The following RACGAP1 variants were observed in gnomAD, a reference collection of about 807,000 sequenced individuals.
The protein encoded by RACGAP1 is Rac GTPase activating protein 1, also known as rac GTPase-activating protein 1.
RACGAP1 carries 30 observed loss-of-function variants against 78.1 expected under a neutral mutation model. That is an observed-to-expected ratio of 0.38 (90% CI 0.29 to 0.52). The LOEUF is 0.52. Among genes scored for constraint, RACGAP1 ranks in the 20% least tolerant of loss-of-function variants. The pLI, the probability that RACGAP1 is intolerant of heterozygous loss-of-function variation, is 0.82. For synonymous variants in RACGAP1, 231 were observed against 264.8 expected (o/e 0.87, Z 1.24); for missense variants, 587 against 777.1 (o/e 0.76, Z 2.91).
intron 9 of RACGAP1, among the ~76,000 whole-genome samples, chr12:49,997,824 T>C (rs919339646): frequency 1.3e-5 from 2 of 148,718 alleles, no homozygotes; most frequent in African/African-American, 5.0e-5. Flanking sequence ...GTGATCTGCC[T>C]GCGTCAGTCT....
chr12:50,006,442 C>T lies in RACGAP1; in HGVS notation c.280G>A (p.Glu94Lys), dbSNP rs147422831. ...CGGAAAACAATACACACCAGCTTTTCGCAGTCAGCCTCAGCTCTCTGTCTC... is the reference window on the plus strand; with the variant it reads ...CGGAAAACAATACACACCAGCTTTTTGCAGTCAGCCTCAGCTCTCTGTCTC... ...KRRQRAEADC[E>K]KLERQIQLIR... The change falls in exon 3 of 17, where the codon GAA becomes AAA. Residue 94 changes from glutamate (E) to lysine (K), a missense_variant. Physicochemically the swap from Glu to Lys is moderately conservative, Grantham distance 56. Coordinates refer to ENST00000312377, the MANE Select transcript of RACGAP1 (RefSeq NM_001319999.2). 34 of 1,614,000 alleles carry T rather than the reference C, an allele frequency of 2.1e-5. No homozygotes were observed. The highest frequency in any genetic ancestry group is 2.5e-5 in the Non-Finnish European group (29 of 1,179,998).
intron 2 of RACGAP1, chr12:50,031,579 T>C: frequency 1.8e-6 from 1 of 561,494 alleles, no homozygotes; most frequent in Non-Finnish European, 2.3e-6. Context: ...TCGTTTGCAG[T>C]TCCTCCACGC....
chr12:50,001,344 T>G, intron 6 of RACGAP1, 92 bp from the exon 7 acceptor site: 1 of 984,666 alleles, frequency 1.0e-6, no homozygotes, highest in South Asian at 1.4e-5. Context: ...TGGATACAGG[T>G]CCTGGGGATT....
At chr12:50,018,838 A>AT (rs34713846) in intron 1 of RACGAP1, among the ~76,000 whole-genome samples, 10,935 of 143,294 alleles carry the variant, frequency 0.076, 1,290 homozygotes, top group African/African-American at 0.26. Context: ...TCTCTTGTCC[A>AT]TTTTTTTTTT....
At chr12:49,999,312 T>G in intron 8 of RACGAP1, 41 bp from the exon 9 acceptor site, 1 of 1,570,964 alleles carries the variant, frequency 6.4e-7, no homozygotes. Flanking sequence ...TCTTAAGTAT[T>G]TTGCTCCTTC....
chr12:49,996,497 C>T (rs745872757), intron 10 of RACGAP1, among the ~76,000 whole-genome samples: 2 of 149,982 alleles, frequency 1.3e-5, no homozygotes, highest in Non-Finnish European at 3.0e-5. Context: ...ATTAGCCGGG[C>T]ATGGTGGTGG....
chr12:49,993,114 G>A (rs1277119249), intron 12 of RACGAP1, among the ~76,000 whole-genome samples: 1 of 152,154 alleles, frequency 6.6e-6, no homozygotes, highest in East Asian at 1.9e-4. Flanking sequence ...AAGAAAACAA[G>A]GCAGGCAAGA....
At chr12:50,009,352 G>A (rs1447436958) in intron 2 of RACGAP1, among the ~76,000 whole-genome samples, 1 of 151,626 alleles carries the variant, frequency 6.6e-6, no homozygotes, top group South Asian at 2.1e-4. Flanking sequence ...GGAGGAAAGA[G>A]AAGGGAAATT....
intron 5 of RACGAP1, among the ~76,000 whole-genome samples, chr12:50,003,225 G>C (rs1434034329): frequency 6.6e-6 from 1 of 152,090 alleles, no homozygotes; most frequent in African/African-American, 2.4e-5. Context: ...GTGGTATACA[G>C]CAAATAATAG....
Position 49,997,106 on chromosome 12 carries a change from T to C in RACGAP1, c.978A>G (p.Glu326=), listed in dbSNP as rs767576278. 4 of 1,609,494 alleles carry C rather than the reference T, an allele frequency of 2.5e-6. No individual in the cohort carries two copies. Among genetic ancestry groups the C allele is most frequent in the South Asian group, 2.2e-5 (2 of 90,782 alleles). ...AGGGAAGGGGACAGCGGTCCCGACA[T>C]TCTGGATGAGAGACCACACGACAGT... ...CRDCRVVSHP[E]CRDRCPLPCI... is the part of the protein sequence containing the mutation. Residue 326 remains glutamate, a synonymous_variant, in exon 10 of 17, where the codon GAA becomes GAG. Transcript: ENST00000312377.
chr12:50,027,257 T>A (rs1950285572), upstream of RACGAP1, among the ~76,000 whole-genome samples: 2 of 152,166 alleles, frequency 1.3e-5, 1 homozygote, highest in Non-Finnish European at 2.9e-5. Context: ...CCTTTCAAGG[T>A]CAGGAGCATT....
intron 1 of RACGAP1, among the ~76,000 whole-genome samples, chr12:50,022,884 T>C (rs942278434): frequency 6.6e-6 from 1 of 152,204 alleles, no homozygotes; most frequent in African/African-American, 2.4e-5. Context: ...ACCTCAAATA[T>C]CTTTACTCAA....
Position 49,992,673 on chromosome 12 carries a change from G to T in RACGAP1, c.1340-18C>A. ...TGTGATTTCTGTAATTGAAAAGAAA[G>T]CACCAAGAGGCCTAGACTTCTTTCC... On this transcript the variant is annotated intron_variant, in intron 12 of 16. Coordinates refer to ENST00000312377, the MANE Select transcript of RACGAP1 (RefSeq NM_001319999.2). 1 of 1,589,496 alleles carries T rather than the reference G, an allele frequency of 6.3e-7. No homozygotes were observed. The highest frequency in any genetic ancestry group is 8.6e-7 in the Non-Finnish European group (1 of 1,162,252).
At chr12:50,011,016 G>A (rs901495781) in intron 2 of RACGAP1, among the ~76,000 whole-genome samples, 4 of 151,892 alleles carry the variant, frequency 2.6e-5, no homozygotes, top group African/African-American at 9.7e-5. Context: ...AGGGATACTT[G>A]GGCATGTGGG....
intron 12 of RACGAP1, 70 bp from the exon 13 acceptor site, chr12:49,992,725 AC>A: frequency 8.3e-7 from 1 of 1,204,286 alleles, no homozygotes; most frequent in Non-Finnish European, 1.2e-6. Context: ...CAAGTTATCG[AC>A]CACAAAGTCT....
chr12:50,022,658 G>A (rs1950073348), intron 1 of RACGAP1, among the ~76,000 whole-genome samples: 1 of 152,020 alleles, frequency 6.6e-6, no homozygotes, highest in South Asian at 2.1e-4. Context: ...ACAACTATAT[G>A]TACCATCTGA....
At chr12:50,005,481 T>TA in intron 3 of RACGAP1, 89 bp from the exon 4 acceptor site, 1 of 1,480,114 alleles carries the variant, frequency 6.8e-7, no homozygotes. Flanking sequence ...CAGAAGACAT[T>TA]AAAATGCAGC....
chr12:50,016,606 G>C, intron 2 of RACGAP1, 25 bp downstream of exon 2: 1 of 1,597,742 alleles, frequency 6.3e-7, no homozygotes, highest in South Asian at 1.1e-5. Flanking sequence ...TTTTCCTTTG[G>C]ACAGGCCAGC....
chr12:50,023,418 C>T (rs534570452), intron 1 of RACGAP1, among the ~76,000 whole-genome samples: 1 of 152,302 alleles, frequency 6.6e-6, no homozygotes, highest in African/African-American at 2.4e-5. Context: ...TTACACTTTG[C>T]ACTTAAGAAA....
Sources: allele counts gnomAD v4.1 joint callset (sites outside exome capture counted in the v4.1 genomes callset), GRCh38; gene constraint gnomAD v4.1.1; transcripts MANE v1.5; gene names NCBI Gene and HGNC (gene_info 2026-07-23, HGNC 2026-07-21).